Variants in EVC observed in about 807,000 individuals in gnomAD.
EVC encodes the protein evC complex member EVC.
Under a neutral mutation model 118.9 loss-of-function variants are expected in EVC, and 116 were observed. The observed-to-expected ratio is 0.98, with a 90% CI of 0.84 to 1.14. The LOEUF is 1.14. Among genes scored for constraint, EVC ranks in the 50% most tolerant of loss-of-function variants. EVC has a pLI of 0.00. For synonymous variants in EVC, 619 were observed against 534.7 expected, an observed-to-expected ratio of 1.16 and a Z score of -2.18; for missense variants, 1,401 against 1,246.4, an observed-to-expected ratio of 1.12 and a Z score of -1.87.
intron 5 of EVC, among the ~76,000 whole-genome samples, chr4:5,740,768 A>G (rs1427373491): frequency 2.0e-5 from 3 of 152,188 alleles, no homozygotes; most frequent in Non-Finnish European, 4.4e-5. Flanking sequence ...CCAGTTAGAA[A>G]ATGGGAAGGA....
chr4:5,819,773 G>A, the EVC span, among the ~76,000 whole-genome samples: 36 of 152,230 alleles, frequency 2.4e-4, no homozygotes, highest in East Asian at 3.1e-3. Flanking sequence ...CTTACCATCC[G>A]TTCTTGGTCT....
intron 11 of EVC, among the ~76,000 whole-genome samples, chr4:5,762,070 G>T (rs6841676): frequency 0.5 from 45,274 of 90,870 alleles, 8,300 homozygotes; most frequent in Admixed American, 0.59. Context: ...CCCCACATCA[G>T]TCCCCAGAGT....
intron 11 of EVC, among the ~76,000 whole-genome samples, chr4:5,768,572 C>T (rs747002577): frequency 2.6e-5 from 4 of 152,082 alleles, no homozygotes; most frequent in Non-Finnish European, 5.9e-5. Flanking sequence ...AAAATGTATT[C>T]TCGGCTGGGC....
chr4:5,750,728 G>A (rs1730219940), intron 8 of EVC, among the ~76,000 whole-genome samples: 2 of 152,152 alleles, frequency 1.3e-5, no homozygotes, highest in South Asian at 4.2e-4. Flanking sequence ...TTCAGTACTT[G>A]TTAGTCATTA....
chr4:5,828,516 C>T, the EVC span: 18 of 1,614,218 alleles, frequency 1.1e-5, no homozygotes, highest in Admixed American at 1.5e-4. Context: ...CGCGCTGGTA[C>T]AGGTGCTCCG....
At chr4:5,821,804 C>G in the EVC span, 1 of 1,611,598 alleles carries the variant, frequency 6.2e-7, no homozygotes, top group African/African-American at 1.3e-5. This position sits in a 1 kb window ranked among gnomAD's most constrained non-coding sequence, Gnocchi z 4.4. Context: ...GGGGGCGCCA[C>G]GATGCGGTGG....
intron 13 of EVC, 35 bp from the exon 14 acceptor site, chr4:5,796,987 G>T (rs1307549355): frequency 2.0e-6 from 3 of 1,501,176 alleles, no homozygotes; most frequent in Non-Finnish European, 2.8e-6. Context: ...GAAGCCAAGA[G>T]CATTGACCCC....
rs909122996 is a variant in EVC at position 5,747,994 on chromosome 4, G to A, written c.940-154G>A. The stretch of plus-strand genomic sequence containing the variant: ...ACCAGAAAGAACTTCACTGTAGAAC[G>A]TGATTGTTGCCAAGATAAACTCACT... On this transcript the variant is annotated intron_variant, in intron 7 of 20. Transcript: ENST00000264956. 29 of 859,454 alleles carry A rather than the reference G, an allele frequency of 3.4e-5. No homozygotes were observed. The highest frequency in any genetic ancestry group is 2.4e-4 in the Middle Eastern group (1 of 4,112). The allele number at this position is 859,454 out of a possible 1,614,324, so 53.2% of individuals were successfully genotyped here.
rs1724648836 is a variant in EVC at position 5,719,857 on chromosome 4, T to C, written c.300+484T>C. Among the ~76,000 whole-genome samples, 1 of 152,246 alleles carries C rather than the reference T, an allele frequency of 6.6e-6. No individual in the cohort carries two copies. The highest frequency in any genetic ancestry group is 6.5e-5 in the Admixed American group (1 of 15,290). On this transcript the variant is annotated intron_variant, in intron 2 of 20. Transcript: ENST00000264956. The surrounding 1 kb of genome is among the most constrained non-coding windows in gnomAD (Gnocchi z 4.7). Reference sequence around the variant, plus strand: ...TCAACTGTGTGGATGTGCCACACTTTGTTGATTGCTCACTGTTTGTGTGTA... The same window carrying C: ...TCAACTGTGTGGATGTGCCACACTTCGTTGATTGCTCACTGTTTGTGTGTA...
the EVC span, chr4:5,824,190 A>G: frequency 1.9e-6 from 1 of 516,338 alleles, no homozygotes; most frequent in Non-Finnish European, 2.5e-6. Flanking sequence ...ACAGTGGTCC[A>G]GTTTGCAAAC....
At chr4:5,744,984 T>TTTTTTTTTA (rs1729139906) in intron 6 of EVC, among the ~76,000 whole-genome samples, 1 of 146,898 alleles carries the variant, frequency 6.8e-6, no homozygotes, top group African/African-American at 2.5e-5. Flanking sequence ...TTTTTTTTTT[T>TTTTTTTTTA]GAGGGAGGAT....
chr4:5,771,905 A>ATTTTTTTTTTTTTTTTTTTT (rs1734032851), intron 11 of EVC, among the ~76,000 whole-genome samples: 14 of 151,426 alleles, frequency 9.2e-5, no homozygotes. Context: ...TTTTATTATT[A>ATTTTTTTTTTTTTTTTTTTT]TTATTATTAT....
the EVC span, chr4:5,826,031 C>T: frequency 3.3e-6 from 1 of 303,922 alleles, no homozygotes; most frequent in Non-Finnish European, 6.1e-6. Flanking sequence ...AAATCACATA[C>T]AGATCTTCAC....
intron 11 of EVC, among the ~76,000 whole-genome samples, chr4:5,782,223 G>A (rs1274734850): frequency 2.6e-5 from 4 of 151,114 alleles, no homozygotes; most frequent in Non-Finnish European, 2.9e-5. Flanking sequence ...ACAGACGTGC[G>A]CCACCACGCC....
At chr4:5,818,973 C>A (rs182712989), downstream of EVC, among the ~76,000 whole-genome samples, 23 of 152,282 alleles carry the variant, frequency 1.5e-4, no homozygotes, top group African/African-American at 5.3e-4. Flanking sequence ...TTTGGCAGCA[C>A]ACTTCTGGAC....
chr4:5,753,928 C>A lies in EVC; in HGVS notation c.1459C>A (p.Leu487Ile). 1 of 1,612,932 alleles carries A rather than the reference C, an allele frequency of 6.2e-7. No homozygotes were observed. Among genetic ancestry groups the A allele is most frequent in the Non-Finnish European group, 8.5e-7 (1 of 1,180,018 alleles). ...GCCGACTGCTGACCCGGAAAAGTTT[C>A]TCGAGGTGACTCACATCCCCAGCCT... ...AQPTADPEKFLEAFHEVLERQ... is the reference protein window; with the variant it reads ...AQPTADPEKFIEAFHEVLERQ... Residue 487 changes from leucine to isoleucine, a missense_variant, in exon 10 of 21, where the codon CTC becomes ATC. Leu to Ile is a conservative substitution (Grantham distance 5, BLOSUM62 2). Transcript: ENST00000264956.
intron 2 of EVC, among the ~76,000 whole-genome samples, chr4:5,726,306 G>C (rs77381311): frequency 0.091 from 13,926 of 152,278 alleles, 676 homozygotes; most frequent in Middle Eastern, 0.13. Flanking sequence ...CAGGCTTTGG[G>C]CTTGCCTGTC....
At chr4:5,778,981 G>A (rs1471882621) in intron 11 of EVC, among the ~76,000 whole-genome samples, 1 of 152,106 alleles carries the variant, frequency 6.6e-6, no homozygotes, top group African/African-American at 2.4e-5. Context: ...TAGGTCTAAT[G>A]TTTAAGTCTT....
Position 5,742,326 on chromosome 4 carries a change from G to A in EVC, c.801+512G>A, listed in dbSNP as rs906859933. ...TTCTGCGAGAGTGCAGAAAGGATAAGAGAGATGTGTATGATACACCTAGCA... is the reference window on the plus strand; with the variant it reads ...TTCTGCGAGAGTGCAGAAAGGATAAAAGAGATGTGTATGATACACCTAGCA... On this transcript the variant is annotated intron_variant, in intron 6 of 20. Coordinates refer to ENST00000264956, the MANE Select transcript of EVC (RefSeq NM_153717.3). This position sits in a 1 kb window ranked among gnomAD's most constrained non-coding sequence, Gnocchi z 5.2. Among the ~76,000 whole-genome samples the A allele has an allele frequency of 1.3e-5, 2 of 152,284 alleles. No individual in the cohort carries two copies. Among genetic ancestry groups the A allele is most frequent in the African/African-American group, 4.8e-5 (2 of 41,570 alleles).
Sources: allele counts gnomAD v4.1 joint callset (sites outside exome capture counted in the v4.1 genomes callset), GRCh38; gene constraint gnomAD v4.1.1; non-coding constraint Gnocchi (gnomAD v3.1); transcripts MANE v1.5; gene names NCBI Gene and HGNC (gene_info 2026-07-23, HGNC 2026-07-21).